The following TAS2R1 variants were observed in gnomAD, a reference collection of about 807,000 sequenced individuals.
The protein encoded by TAS2R1 is taste receptor type 2 member 1.
For synonymous variants in TAS2R1, 141 were observed against 134.2 expected, an observed-to-expected ratio of 1.05 and a Z score of -0.35; for missense variants, 370 against 353.4, an observed-to-expected ratio of 1.05 and a Z score of -0.38.
the TAS2R1 span, among the ~76,000 whole-genome samples, chr5:9,859,667 T>C: frequency 3.3e-5 from 5 of 152,150 alleles, no homozygotes; most frequent in Non-Finnish European, 5.9e-5. Context: ...GGGGACCAGA[T>C]AAAAGCCGCC....
exon 2 of TAS2R1, chr5:9,659,478 C>T (rs1310089947): frequency 2.0e-5 from 3 of 151,848 alleles, no homozygotes; most frequent in Non-Finnish European, 2.9e-5. Context: ...TTTCCCACAC[C>T]GCAAGGTCTT....
At chr5:9,745,922 C>G in the TAS2R1 span, among the ~76,000 whole-genome samples, 1 of 152,104 alleles carries the variant, frequency 6.6e-6, no homozygotes, top group Non-Finnish European at 1.5e-5. Context: ...CAAATGGGAT[C>G]TAATCAAACT....
At chr5:9,717,821 C>A in the TAS2R1 span, among the ~76,000 whole-genome samples, 4 of 152,206 alleles carry the variant, frequency 2.6e-5, no homozygotes, top group African/African-American at 9.6e-5. Context: ...AAAATAAATT[C>A]TTCTACAACC....
the TAS2R1 span, among the ~76,000 whole-genome samples, chr5:9,858,408 G>A: frequency 2.2e-4 from 33 of 152,246 alleles, no homozygotes; most frequent in African/African-American, 5.3e-4. Flanking sequence ...TCTCCATGCC[G>A]TGCTGCCTGA....
At chr5:9,790,566 A>C in the TAS2R1 span, among the ~76,000 whole-genome samples, 1 of 152,160 alleles carries the variant, frequency 6.6e-6, no homozygotes, top group Non-Finnish European at 1.5e-5. Context: ...AAAAGAAAAA[A>C]AGTATCGTAC....
chr5:9,660,056 C>CTTTTTTTTTTTTTTT (rs1171409076), intron 1 of TAS2R1: 1 of 123,118 alleles, frequency 8.1e-6, no homozygotes, highest in African/African-American at 3.1e-5. Flanking sequence ...TGAAATATTT[C>CTTTTTTTTTTTTTTT]TTTTTTTTTT....
chr5:9,632,192 T>C (rs1329215038), upstream of TAS2R1, among the ~76,000 whole-genome samples: 1 of 152,338 alleles, frequency 6.6e-6, no homozygotes, highest in African/African-American at 2.4e-5. Flanking sequence ...CCAGTACATA[T>C]AAAAGTTATG....
chr5:9,754,106 T>C, the TAS2R1 span, among the ~76,000 whole-genome samples: 38 of 152,238 alleles, frequency 2.5e-4, no homozygotes, highest in African/African-American at 8.7e-4. Context: ...GTTCAATATA[T>C]GCAAATCAAT....
At chr5:9,768,143 C>A in the TAS2R1 span, among the ~76,000 whole-genome samples, 30 of 152,066 alleles carry the variant, frequency 2.0e-4, no homozygotes, top group Non-Finnish European at 3.8e-4. Context: ...CCCACACATG[C>A]CAACACATCC....
At chr5:9,862,396 C>G in the TAS2R1 span, among the ~76,000 whole-genome samples, 2 of 152,076 alleles carry the variant, frequency 1.3e-5, no homozygotes, top group Non-Finnish European at 2.9e-5. Context: ...GTTCTGACAG[C>G]CTAACCTGCA....
At chr5:9,815,193 A>T in the TAS2R1 span, among the ~76,000 whole-genome samples, 2 of 152,246 alleles carry the variant, frequency 1.3e-5, no homozygotes, top group African/African-American at 2.4e-5. Flanking sequence ...ATTCCTTGAC[A>T]CTTGGAGACA....
At chr5:9,797,229 G>C in the TAS2R1 span, among the ~76,000 whole-genome samples, 49 of 152,292 alleles carry the variant, frequency 3.2e-4, no homozygotes, top group African/African-American at 1.1e-3. Context: ...GTTGATTGTT[G>C]TGACTGGAAG....
At chr5:9,900,362 G>T in the TAS2R1 span, among the ~76,000 whole-genome samples, 1 of 152,210 alleles carries the variant, frequency 6.6e-6, no homozygotes, top group African/African-American at 2.4e-5. Flanking sequence ...TCAGCCACCA[G>T]TAAGATTTAA....
chr5:9,666,629 C>G (rs1197067682), intron 1 of TAS2R1, among the ~76,000 whole-genome samples: 1 of 151,958 alleles, frequency 6.6e-6, no homozygotes, highest in Non-Finnish European at 1.5e-5. Flanking sequence ...GGTGGTGCAT[C>G]TTCCTATTGC....
intron 1 of TAS2R1, among the ~76,000 whole-genome samples, chr5:9,709,167 T>C (rs1482176851): frequency 6.8e-6 from 1 of 147,562 alleles, no homozygotes; most frequent in Non-Finnish European, 1.5e-5. Context: ...ATTCCGCACA[T>C]GTATCCTAGA....
At chr5:9,805,738 G>A in the TAS2R1 span, among the ~76,000 whole-genome samples, 1 of 151,930 alleles carries the variant, frequency 6.6e-6, no homozygotes, top group African/African-American at 2.4e-5. Context: ...GCATAGAAGG[G>A]ACATACCTTA....
upstream of TAS2R1, among the ~76,000 whole-genome samples, chr5:9,632,773 C>T (rs145151851): frequency 1.3e-3 from 192 of 152,224 alleles, 2 homozygotes; most frequent in African/African-American, 4.3e-3. Context: ...AATTATAATT[C>T]TCATTCTATT....
the TAS2R1 span, among the ~76,000 whole-genome samples, chr5:9,797,972 T>A: frequency 6.6e-6 from 1 of 152,008 alleles, no homozygotes; most frequent in Non-Finnish European, 1.5e-5. Context: ...TTCACGATAG[T>A]TTAAAAGTGG....
At chr5:9,719,571 T>C in the TAS2R1 span, among the ~76,000 whole-genome samples, 1 of 152,184 alleles carries the variant, frequency 6.6e-6, no homozygotes, top group Non-Finnish European at 1.5e-5. Context: ...ACTTTTTTAA[T>C]TATTCATCTT....
Sources: gnomAD v4.1 joint callset for allele counts (sites outside exome capture counted in the v4.1 genomes callset) on GRCh38, gnomAD v4.1.1 for gene constraint, MANE v1.5 for transcripts, NCBI Gene and HGNC (gene_info 2026-07-23, HGNC 2026-07-21) for gene names.